Variants in LIPE observed in about 807,000 individuals in gnomAD.
The protein encoded by LIPE is hormone-sensitive lipase.
A neutral mutation model predicts 88.5 loss-of-function variants in LIPE; 66 were observed. The observed-to-expected ratio is 0.75, with a 90% CI of 0.61 to 0.91. The LOEUF (loss-of-function observed/expected upper bound fraction) is 0.91, where lower values mean the gene tolerates loss of function less well. Among genes scored for constraint, LIPE ranks in the 40% least tolerant of loss-of-function variants. The pLI, the probability that LIPE is intolerant of heterozygous loss-of-function variation, is 0.00. For missense variants in LIPE, 1,346 were observed against 1,434.7 expected (o/e 0.94, Z 1.00); for synonymous variants, 570 against 617.5 (o/e 0.92, Z 1.14).
In LIPE at chr19:42,417,776, T is replaced by G. The variant is rs143717665; in HGVS notation, c.884-6934A>C. Among the ~76,000 whole-genome samples the G allele has an allele frequency of 4.2e-3, 640 of 152,230 alleles. 8 individuals carry two copies. Among genetic ancestry groups the G allele is most frequent in the African/African-American group, 0.014 (602 of 41,542 alleles). ...TGGCTCATACTTATAATCGCAGCAC[T>G]TTGGGAGGCCAAGGCAGGAAGATAG... On this transcript the variant is annotated intron_variant, in intron 1 of 9. Transcript: ENST00000244289.
intron 1 of LIPE, among the ~76,000 whole-genome samples, chr19:42,422,108 A>C (rs2040609057): frequency 6.6e-6 from 1 of 152,242 alleles, no homozygotes; most frequent in African/African-American, 2.4e-5. Flanking sequence ...CAGGGTAAAC[A>C]AGGCAGATAC....
intron 8 of LIPE, 42 bp from the exon 9 acceptor site, chr19:42,403,073 G>A: frequency 6.7e-7 from 1 of 1,493,016 alleles, no homozygotes; most frequent in South Asian, 1.3e-5. Flanking sequence ...CGTTAGTTTG[G>A]TTGTGTGTGT....
chr19:42,420,929 C>G (rs2040586427), intron 1 of LIPE, among the ~76,000 whole-genome samples: 1 of 152,110 alleles, frequency 6.6e-6, no homozygotes, highest in African/African-American at 2.4e-5. Context: ...GAGACAAAGT[C>G]TCATTGTTGC....
At chr19:42,409,400 C>CAAAAAAAAAAAAAAAAAA (rs760628566) in intron 2 of LIPE, among the ~76,000 whole-genome samples, 2 of 72,918 alleles carry the variant, frequency 2.7e-5, no homozygotes, top group African/African-American at 1.0e-4. Context: ...AAACAAAATA[C>CAAAAAAAAAAAAAAAAAA]AAAAAAAAAA....
intron 1 of LIPE, among the ~76,000 whole-genome samples, chr19:42,418,140 G>C (rs891738356): frequency 3.9e-5 from 6 of 152,132 alleles, no homozygotes; most frequent in African/African-American, 1.2e-4. Context: ...CTGCCACCGC[G>C]CCTGGTTAAT....
chr19:42,412,736 C>T (rs1314476471), intron 1 of LIPE, among the ~76,000 whole-genome samples: 1 of 152,176 alleles, frequency 6.6e-6, no homozygotes, highest in African/African-American at 2.4e-5. Flanking sequence ...AACAAACCGT[C>T]CCCTCTCACC....
At position 42,410,421 on chromosome 19, in the gene LIPE, G is replaced by A. The variant is rs1398446438; in HGVS notation, c.1305C>T (p.Thr435=). The A allele has an allele frequency of 6.8e-6, 11 of 1,614,108 alleles. No homozygotes were observed. The East Asian group carries it at 1.8e-4, about 26-fold the overall frequency. The change falls in exon 2 of 10, where the codon ACC becomes ACT. Residue 435 remains threonine, a synonymous_variant. Coordinates refer to ENST00000244289, the MANE Select transcript of LIPE (RefSeq NM_005357.4). The surrounding 1 kb of genome is among the most constrained non-coding windows in gnomAD (Gnocchi z 6.1). ...CAAAGAAGAGTACCCCCGGCCGATT[G>A]GTAACCAGCAGGCGCTGGGCGTAGT... ...LVYYAQRLLV[T]NRPGVLFFEG... is the part of the protein sequence containing the mutation.
Position 42,426,403 on chromosome 19 carries a change from C to T in LIPE, c.747G>A (p.Thr249=), listed in dbSNP as rs1190997174. ...GSSSDTDSPA[T]MGGMVAQGVK... is the part of the protein sequence containing the mutation. ...CTCCCTGGGCCACCATTCCACCCAT[C>T]GTGGCTGGAGAATCTGTGTCTGAAG... Residue 249 remains threonine, a synonymous_variant, in exon 1 of 10, where the codon ACG becomes ACA. Coordinates refer to ENST00000244289, the MANE Select transcript of LIPE (RefSeq NM_005357.4). The T allele has an allele frequency of 5.6e-6, 9 of 1,614,032 alleles. No homozygotes were observed. Among genetic ancestry groups the T allele is most frequent in the East Asian group, 4.5e-5 (2 of 44,878 alleles).
At chr19:42,423,670 C>G (rs147062291) in intron 1 of LIPE, 5 of 1,153,834 alleles carry the variant, frequency 4.3e-6, no homozygotes, top group Non-Finnish European at 5.4e-6. Context: ...GGGTCCAGCT[C>G]CCTAACCAAT....
chr19:42,405,283 G>C, intron 8 of LIPE, 102 bp downstream of exon 8: 1 of 1,258,530 alleles, frequency 7.9e-7, no homozygotes, highest in South Asian at 1.5e-5. Context: ...GGGATTGCAG[G>C]TCTGAACCAC....
In LIPE at chr19:42,406,444, G is replaced by C. The variant is rs2040187041; in HGVS notation, c.2138-56C>G. 6.9e-7 allele frequency: 1 copy of C among 1,459,520 alleles called. No individual in the cohort carries two copies. The highest frequency in any genetic ancestry group is 9.5e-7 in the Non-Finnish European group (1 of 1,047,184). The allele number at this position is 1,459,520 out of a possible 1,614,324, so 90.4% of individuals were successfully genotyped here. On this transcript the variant is annotated intron_variant, in intron 6 of 9. Coordinates refer to ENST00000244289, the MANE Select transcript of LIPE (RefSeq NM_005357.4). This position sits in a 1 kb window ranked among gnomAD's most constrained non-coding sequence, Gnocchi z 5.7. The stretch of plus-strand genomic sequence containing the variant: ...CCTGGCAGGGGCAGAGGCCTGGGGA[G>C]GAGGGCAGGGAGGAACTCAAGCTGG...
At chr19:42,419,838 G>C (rs2040561381) in intron 1 of LIPE, among the ~76,000 whole-genome samples, 1 of 152,040 alleles carries the variant, frequency 6.6e-6, no homozygotes, top group Non-Finnish European at 1.5e-5. Context: ...GTGCATAAAA[G>C]AGCAAACGTT....
At chr19:42,413,798 C>G (rs1180174071) in intron 1 of LIPE, among the ~76,000 whole-genome samples, 3 of 152,230 alleles carry the variant, frequency 2.0e-5, no homozygotes, top group Non-Finnish European at 4.4e-5. Flanking sequence ...GGCCCTGGGG[C>G]CTATCATGGG....
rs181420885 is a variant in LIPE at position 42,408,543 on chromosome 19, A to G, written c.1420-221T>C. 2.8e-3 allele frequency: 1,547 copies of G among 557,988 alleles called. 5 individuals are homozygous for G. The highest frequency in any genetic ancestry group is 3.9e-3 in the Non-Finnish European group (1,215 of 310,412). 34.6% of individuals were successfully genotyped at this position (557,988 alleles called of 1,614,324 possible). ...AAGCAAAGCCACGCGCAGTATCATG[A>G]CAAGGAATGACGAATGGTTTGGAAA... On this transcript the variant is annotated intron_variant, in intron 2 of 9. Coordinates refer to ENST00000244289, the MANE Select transcript of LIPE (RefSeq NM_005357.4). This position sits in a 1 kb window ranked among gnomAD's most constrained non-coding sequence, Gnocchi z 4.3.
intron 1 of LIPE, among the ~76,000 whole-genome samples, chr19:42,422,485 C>T (rs953156785): frequency 3.9e-5 from 6 of 152,148 alleles, no homozygotes; most frequent in African/African-American, 1.2e-4. Flanking sequence ...TCTGAGCCTG[C>T]GTGTGTCTGA....
intron 1 of LIPE, among the ~76,000 whole-genome samples, chr19:42,419,823 AGT>A (rs1350062164): frequency 6.6e-6 from 1 of 151,836 alleles, no homozygotes; most frequent in Non-Finnish European, 1.5e-5. Context: ...GATCCCCGAG[AGT>A]GTGTGCATAA....
intron 1 of LIPE, among the ~76,000 whole-genome samples, chr19:42,419,038 G>T (rs1308846192): frequency 6.6e-6 from 1 of 152,176 alleles, no homozygotes; most frequent in African/African-American, 2.4e-5. Context: ...CACCACTTTG[G>T]GAGGCTGAGG....
intron 1 of LIPE, among the ~76,000 whole-genome samples, chr19:42,417,386 A>C (rs964065420): frequency 6.6e-6 from 1 of 151,926 alleles, no homozygotes; most frequent in Non-Finnish European, 1.5e-5. Context: ...CAGCCTCCTG[A>C]GTAGTGGGGA....
In LIPE at chr19:42,414,448, T is replaced by C. The variant is rs1445183851; in HGVS notation, c.884-3606A>G. On this transcript the variant is annotated intron_variant, in intron 1 of 9. Coordinates refer to ENST00000244289, the MANE Select transcript of LIPE (RefSeq NM_005357.4). The surrounding 1 kb of genome is among the most constrained non-coding windows in gnomAD (Gnocchi z 4.6). ...CAGGGTGGGAGACATAATTTATAAG[T>C]GGGGCCATGGCCGGCATGTTCTGCA... is the stretch of plus-strand genomic sequence containing the variant. Among the ~76,000 whole-genome samples, 1 of 152,226 alleles carries C rather than the reference T, an allele frequency of 6.6e-6. No individual in the cohort carries two copies. The highest frequency in any genetic ancestry group is 1.5e-5 in the Non-Finnish European group (1 of 68,038).
Sources: gnomAD v4.1 joint callset for allele counts (sites outside exome capture counted in the v4.1 genomes callset) on GRCh38, gnomAD v4.1.1 for gene constraint, Gnocchi (gnomAD v3.1) non-coding constraint, MANE v1.5 for transcripts, NCBI Gene and HGNC (gene_info 2026-07-23, HGNC 2026-07-21) for gene names.